The following NEDD9 variants were observed in gnomAD, a reference collection of about 807,000 sequenced individuals.
NEDD9 encodes the protein neural precursor cell expressed, developmentally down-regulated 9, also known as enhancer of filamentation 1.
NEDD9 carries 26 observed loss-of-function variants against 76.6 expected under a neutral mutation model. The observed-to-expected ratio is 0.34, with a 90% CI of 0.25 to 0.47. The LOEUF (loss-of-function observed/expected upper bound fraction) is 0.47. Ranked by LOEUF, NEDD9 falls within the 20% of genes least tolerant of loss-of-function variation. The pLI, the probability that NEDD9 is intolerant of heterozygous loss-of-function variation, is 1.00. For missense variants in NEDD9, 937 were observed against 1,058.5 expected, an observed-to-expected ratio of 0.89 and a Z score of 1.59; for synonymous variants, 392 against 414.2, an observed-to-expected ratio of 0.95 and a Z score of 0.65.
intron 3 of NEDD9, among the ~76,000 whole-genome samples, chr6:11,274,006 C>A (rs1316193499): frequency 6.6e-6 from 1 of 152,178 alleles, no homozygotes; most frequent in Admixed American, 6.5e-5. Flanking sequence ...CCAAAGGCTG[C>A]AATGAACATG....
chr6:11,192,760 C>T (rs936179204), intron 3 of NEDD9, among the ~76,000 whole-genome samples: 25 of 149,848 alleles, frequency 1.7e-4, no homozygotes, highest in African/African-American at 5.7e-4. Flanking sequence ...TGGTAAAACC[C>T]CATCTCTACT....
At chr6:11,355,392 G>A (rs1414072379) in intron 1 of NEDD9, among the ~76,000 whole-genome samples, 3 of 152,144 alleles carry the variant, frequency 2.0e-5, no homozygotes, top group Non-Finnish European at 4.4e-5. Context: ...AATTCTTCTT[G>A]CAGTAATATG....
At chr6:11,378,299 A>T (rs1160856868) in intron 1 of NEDD9, among the ~76,000 whole-genome samples, 1 of 151,640 alleles carries the variant, frequency 6.6e-6, no homozygotes, top group Non-Finnish European at 1.5e-5. Context: ...TCTTGCTCCC[A>T]CTCTTGCCAT....
At chr6:11,304,376 A>G (rs533169448) in intron 3 of NEDD9, among the ~76,000 whole-genome samples, 60 of 152,354 alleles carry the variant, frequency 3.9e-4, no homozygotes, top group African/African-American at 1.4e-3. Flanking sequence ...AACTGGTTCA[A>G]CCATTGTGGA....
rs1231934898 is a variant in NEDD9, at chr6:11,198,002, A to G, written c.460-4310T>C. On this transcript the variant is annotated intron_variant, in intron 2 of 6. Transcript: ENST00000379446. The surrounding 1 kb of genome is among the most constrained non-coding windows in gnomAD (Gnocchi z 4.7). ...TGTTCCCTGAGCTGGTACCCATAGC[A>G]GAGCAAGGGTCCTATACTCAGATGC... 6.6e-6 allele frequency among the ~76,000 whole-genome samples: 1 copy of G among 152,134 alleles called. No homozygotes were observed. Among genetic ancestry groups the G allele is most frequent in the East Asian group, 1.9e-4 (1 of 5,188 alleles).
intron 2 of NEDD9, among the ~76,000 whole-genome samples, chr6:11,331,813 A>T (rs1762043205): frequency 6.6e-6 from 1 of 152,230 alleles, no homozygotes; most frequent in South Asian, 2.1e-4. Context: ...AGCAGCTTTT[A>T]CGGGTTGGTG....
At chr6:11,309,993 C>T (rs1043495095) in intron 2 of NEDD9, among the ~76,000 whole-genome samples, 1 of 152,138 alleles carries the variant, frequency 6.6e-6, no homozygotes, top group Non-Finnish European at 1.5e-5. Context: ...CTGACTGATC[C>T]AGGGGATACA....
chr6:11,351,221 C>A (rs543166490), intron 1 of NEDD9, among the ~76,000 whole-genome samples: 2 of 152,070 alleles, frequency 1.3e-5, no homozygotes, highest in African/African-American at 4.8e-5. Context: ...GGCCAAGTGA[C>A]CAGGACCAGG....
At chr6:11,378,630 C>T (rs1307445462) in intron 1 of NEDD9, among the ~76,000 whole-genome samples, 1 of 152,042 alleles carries the variant, frequency 6.6e-6, no homozygotes, top group Non-Finnish European at 1.5e-5. Flanking sequence ...CTTATATATA[C>T]TTTTTTGTAG....
intron 6 of NEDD9, among the ~76,000 whole-genome samples, 183 bp downstream of exon 6, chr6:11,188,035 C>A (rs950942996): frequency 9.9e-5 from 15 of 152,208 alleles, no homozygotes; most frequent in African/African-American, 3.6e-4. Context: ...CAGGTACACC[C>A]AGTTGAACTA....
At chr6:11,269,050 T>C (rs1400052476) in intron 3 of NEDD9, among the ~76,000 whole-genome samples, 1 of 152,234 alleles carries the variant, frequency 6.6e-6, no homozygotes, top group Non-Finnish European at 1.5e-5. Context: ...CCCAAACGTT[T>C]GAGGTTAACT....
intron 2 of NEDD9, among the ~76,000 whole-genome samples, chr6:11,194,103 A>G (rs1758231478): frequency 6.6e-6 from 1 of 151,916 alleles, no homozygotes; most frequent in African/African-American, 2.4e-5. Flanking sequence ...TGATCCACCC[A>G]CCTCAGCCCC....
intron 6 of NEDD9, among the ~76,000 whole-genome samples, chr6:11,186,914 C>G (rs1005844058): frequency 6.6e-6 from 1 of 152,196 alleles, no homozygotes; most frequent in Non-Finnish European, 1.5e-5. Context: ...CCGTGCCCAG[C>G]CTTCAACAGC....
chr6:11,199,165 T>TA (rs1373608613), intron 2 of NEDD9: 4 of 152,194 alleles, frequency 2.6e-5, no homozygotes, highest in Non-Finnish European at 5.9e-5. Context: ...AGAAGGAACA[T>TA]ACGATTGCTT....
chr6:11,194,321 A>T (rs1561782107), intron 2 of NEDD9, among the ~76,000 whole-genome samples: 1 of 152,220 alleles, frequency 6.6e-6, no homozygotes, highest in Non-Finnish European at 1.5e-5. Flanking sequence ...TGTGTAACTT[A>T]TGAAAGTCCT....
chr6:11,349,190 A>C (rs1762418094), intron 1 of NEDD9, among the ~76,000 whole-genome samples: 1 of 152,252 alleles, frequency 6.6e-6, no homozygotes, highest in Non-Finnish European at 1.5e-5. Context: ...ACTAATCATT[A>C]GAGAAAGGCA....
At chr6:11,327,679 A>T (rs1761957732) in intron 2 of NEDD9, among the ~76,000 whole-genome samples, 1 of 152,232 alleles carries the variant, frequency 6.6e-6, no homozygotes, top group Non-Finnish European at 1.5e-5. Context: ...GGCCTGCTGG[A>T]AGTCAGAAGC....
At chr6:11,233,378 G>A (rs1759538364), upstream of NEDD9, 1 of 518,882 alleles carries the variant, frequency 1.9e-6, no homozygotes, top group Non-Finnish European at 3.8e-6. Context: ...CATATTGAGC[G>A]ACCTTCAGTG....
At chr6:11,332,041 G>A (rs1762049394) in intron 2 of NEDD9, among the ~76,000 whole-genome samples, 1 of 152,214 alleles carries the variant, frequency 6.6e-6, no homozygotes, top group South Asian at 2.1e-4. Context: ...GTTTGAACCA[G>A]AAGCAACATG....
Sources: gnomAD v4.1 joint callset for allele counts (sites outside exome capture counted in the v4.1 genomes callset) on GRCh38, gnomAD v4.1.1 for gene constraint, Gnocchi (gnomAD v3.1) non-coding constraint, MANE v1.5 for transcripts, NCBI Gene and HGNC (gene_info 2026-07-23, HGNC 2026-07-21) for gene names.